The following FYN variants were observed in gnomAD, a reference collection of about 807,000 sequenced individuals.
FYN encodes tyrosine-protein kinase Fyn.
In FYN, 10 loss-of-function variants were observed where a neutral mutation model predicts 70.2. The ratio of observed to expected loss-of-function variants is 0.14; its 90% CI spans 0.09 to 0.24. FYN has a LOEUF of 0.24. Among genes scored for constraint, FYN ranks in the 10% least tolerant of loss-of-function variants. The probability of loss-of-function intolerance (pLI) is 1.00; values close to 1 mark genes in which losing one functional copy is unlikely to be tolerated. For missense variants in FYN, 319 were observed against 673.1 expected (o/e 0.47, Z 5.82); for synonymous variants, 236 against 248.6 (o/e 0.95, Z 0.48).
intron 3 of FYN, among the ~76,000 whole-genome samples, chr6:111,744,267 C>A (rs1488385954): frequency 6.6e-6 from 1 of 152,236 alleles, no homozygotes; most frequent in Non-Finnish European, 1.5e-5. Context: ...AGGGCCCACA[C>A]CTGTGTCCTA....
At chr6:111,830,758 T>C (rs187360353) in intron 2 of FYN, among the ~76,000 whole-genome samples, 1 of 152,056 alleles carries the variant, frequency 6.6e-6, no homozygotes, top group East Asian at 1.9e-4. Flanking sequence ...ACCTATAATA[T>C]TAGTAACTGA....
At chr6:111,839,024 A>G (rs1477490058) in intron 2 of FYN, among the ~76,000 whole-genome samples, 1 of 152,212 alleles carries the variant, frequency 6.6e-6, no homozygotes, top group East Asian at 1.9e-4. Flanking sequence ...AGTTGACTCT[A>G]TAACTCATTC....
intron 8 of FYN, among the ~76,000 whole-genome samples, chr6:111,701,331 G>A (rs989802778): frequency 3.9e-5 from 6 of 152,190 alleles, no homozygotes; most frequent in Non-Finnish European, 7.3e-5. Flanking sequence ...GCCTTGTGAG[G>A]TGGACAGACC....
intron 3 of FYN, among the ~76,000 whole-genome samples, chr6:111,767,137 G>A (rs1803255926): frequency 2.0e-5 from 3 of 152,136 alleles, no homozygotes; most frequent in African/African-American, 7.2e-5. Context: ...AAAATACAAT[G>A]CTGTTTTCTG....
chr6:111,703,145 T>C, intron 7 of FYN, 111 bp from the exon 8 acceptor site: 2 of 900,036 alleles, frequency 2.2e-6, no homozygotes, highest in Admixed American at 2.2e-5. Flanking sequence ...CACACACACA[T>C]GTACACACAC....
intron 3 of FYN, among the ~76,000 whole-genome samples, chr6:111,759,339 G>A (rs1802898513): frequency 1.3e-5 from 2 of 152,124 alleles, no homozygotes; most frequent in African/African-American, 4.8e-5. Context: ...GATTTTGTCA[G>A]CAATCTCTTC....
chr6:111,683,653 ACT>A (rs1156268911), intron 12 of FYN, among the ~76,000 whole-genome samples: 2 of 152,072 alleles, frequency 1.3e-5, no homozygotes, highest in African/African-American at 2.4e-5. Flanking sequence ...AAAGCCACTA[ACT>A]CTGCAAATTA....
intron 1 of FYN, among the ~76,000 whole-genome samples, chr6:111,872,679 T>C (rs986123113): frequency 2.0e-5 from 3 of 151,522 alleles, no homozygotes; most frequent in Non-Finnish European, 3.0e-5. Context: ...TGGGCCAGCC[T>C]CGCCCCCAAG....
chr6:111,668,223 CT>C (rs1479034129), intron 13 of FYN, among the ~76,000 whole-genome samples: 3 of 152,190 alleles, frequency 2.0e-5, no homozygotes, highest in Admixed American at 2.0e-4. Flanking sequence ...AACCGTGACA[CT>C]GAGTTAGGTT....
intron 6 of FYN, 96 bp from the exon 7 acceptor site, chr6:111,704,198 T>A: frequency 2.3e-6 from 2 of 852,144 alleles, no homozygotes; most frequent in South Asian, 3.1e-5. Flanking sequence ...TCCCCTCTCC[T>A]CCAATTTAGT....
intron 13 of FYN, among the ~76,000 whole-genome samples, chr6:111,669,438 C>CAAAA (rs10690295): frequency 0.056 from 3,157 of 56,344 alleles, 247 homozygotes; most frequent in African/African-American, 0.12. Flanking sequence ...CCATCCATCT[C>CAAAA]AAAAAAAAAA....
At chr6:111,736,180 GT>G (rs1430403843) in intron 3 of FYN, among the ~76,000 whole-genome samples, 1 of 152,210 alleles carries the variant, frequency 6.6e-6, no homozygotes, top group Non-Finnish European at 1.5e-5. Context: ...TGAATGTGAG[GT>G]CACAGGGGAT....
At chr6:111,723,599 C>G (rs1229250069) in intron 3 of FYN, among the ~76,000 whole-genome samples, 1 of 152,186 alleles carries the variant, frequency 6.6e-6, no homozygotes, top group Non-Finnish European at 1.5e-5. Flanking sequence ...TATGTAGGAA[C>G]TTGTGGTCTT....
chr6:111,830,249 G>A (rs1887316), intron 2 of FYN, among the ~76,000 whole-genome samples: 28,729 of 152,010 alleles, frequency 0.19, 4,399 homozygotes, highest in African/African-American at 0.43. Flanking sequence ...TACAGGGGCA[G>A]AGTGTCAGCA....
intron 3 of FYN, among the ~76,000 whole-genome samples, chr6:111,729,195 C>T (rs905092014): frequency 1.3e-5 from 2 of 152,076 alleles, no homozygotes; most frequent in Admixed American, 6.6e-5. Context: ...CATACTCGGC[C>T]AGGTGTGGTG....
At chr6:111,759,322 T>G (rs758761167) in intron 3 of FYN, among the ~76,000 whole-genome samples, 12 of 152,218 alleles carry the variant, frequency 7.9e-5, no homozygotes, top group Non-Finnish European at 1.0e-4. Flanking sequence ...GCACTTTTCC[T>G]GACAATGATT....
intron 2 of FYN, among the ~76,000 whole-genome samples, chr6:111,814,358 T>C (rs1022148517): frequency 2.6e-5 from 4 of 152,186 alleles, no homozygotes; most frequent in African/African-American, 9.7e-5. Flanking sequence ...TTTTCATTGA[T>C]GAGGTCCCAT....
chr6:111,728,220 C>A (rs1339817715), intron 3 of FYN, among the ~76,000 whole-genome samples: 1 of 152,130 alleles, frequency 6.6e-6, no homozygotes, highest in Non-Finnish European at 1.5e-5. Flanking sequence ...CCCATCTATG[C>A]CAAAGGTTTC....
At chr6:111,729,951 C>A (rs571734951) in intron 3 of FYN, among the ~76,000 whole-genome samples, 6 of 152,078 alleles carry the variant, frequency 3.9e-5, no homozygotes, top group Non-Finnish European at 7.4e-5. Context: ...TAAGAAAGTT[C>A]CCTTTAATAT....
Sources: allele counts gnomAD v4.1 joint callset (sites outside exome capture counted in the v4.1 genomes callset), GRCh38; gene constraint gnomAD v4.1.1; transcripts MANE v1.5; gene names NCBI Gene and HGNC (gene_info 2026-07-23, HGNC 2026-07-21).